The following ZNF169 variants were observed in gnomAD, a reference collection of about 807,000 sequenced individuals.
ZNF169 encodes zinc finger protein 169.
ZNF169 carries 11 observed loss-of-function variants against 12.0 expected under a neutral mutation model. The observed-to-expected ratio is 0.92, with a 90% CI of 0.58 to 1.52. The LOEUF (loss-of-function observed/expected upper bound fraction) is 1.52, where lower values mean the gene tolerates loss of function less well. ZNF169 is among the 40% of genes most tolerant of loss of function. The pLI is 0.00. For missense variants in ZNF169, 722 were observed against 744.0 expected (o/e 0.97, Z 0.34); for synonymous variants, 302 against 286.5 (o/e 1.05, Z -0.55).
At position 94,268,098 on chromosome 9, in the gene ZNF169, G is replaced by A. The variant is rs191817902; in HGVS notation, c.-56+8753G>A. Among the ~76,000 whole-genome samples, 156 of 151,908 alleles carry A rather than the reference G, an allele frequency of 1.0e-3. 3 individuals carry two copies. In the East Asian group the frequency reaches 0.024, roughly 23 times the overall value. ...TTGGTCAGGCTGGTCTTGAACGCCC[G>A]ACCTCAGGTGATCCGCCCACCTCGG... On this transcript the variant is annotated intron_variant, in intron 1 of 4. Coordinates refer to ENST00000395395, the MANE Select transcript of ZNF169 (RefSeq NM_194320.4).
intron 3 of ZNF169, 79 bp downstream of exon 3, chr9:94,292,546 G>T: frequency 1.3e-6 from 2 of 1,547,482 alleles, no homozygotes; most frequent in South Asian, 2.5e-5. Flanking sequence ...CCATGCTTCT[G>T]ACTCAGAAAA....
intron 2 of ZNF169, among the ~76,000 whole-genome samples, chr9:94,289,795 A>T (rs59962706): frequency 0.39 from 58,789 of 152,128 alleles, 11,810 homozygotes; most frequent in Middle Eastern, 0.46. Context: ...GTCTCAAAAA[A>T]AAAAGCTATA....
chr9:94,269,710 A>G (rs566777137), intron 1 of ZNF169, among the ~76,000 whole-genome samples: 1 of 152,318 alleles, frequency 6.6e-6, no homozygotes, highest in South Asian at 2.1e-4. Context: ...AAGGCCTGGA[A>G]ATTATCACCA....
chr9:94,270,523 T>G (rs1344372802), intron 1 of ZNF169, among the ~76,000 whole-genome samples: 1 of 146,456 alleles, frequency 6.8e-6, no homozygotes, highest in Non-Finnish European at 1.5e-5. Context: ...TTGAGGAAGT[T>G]TCCTTCTATT....
chr9:94,267,501 G>T (rs1320168298), intron 1 of ZNF169, among the ~76,000 whole-genome samples: 1 of 152,194 alleles, frequency 6.6e-6, no homozygotes, highest in African/African-American at 2.4e-5. Context: ...AATACTCACA[G>T]ATAGTTTCCA....
chr9:94,270,961 AATATATTATATATTATATAAATAT>A (rs1830409030), intron 1 of ZNF169, among the ~76,000 whole-genome samples: 1 of 11,338 alleles, frequency 8.8e-5, no homozygotes, highest in South Asian at 2.6e-3. Context: ...ATATATAAAT[AATATATTATATATTATATAAATAT>A]ACAAATAATA....
At chr9:94,299,342 T>G (rs1250163116) in intron 4 of ZNF169, 1 of 416,228 alleles carries the variant, frequency 2.4e-6, no homozygotes. Context: ...TGCCCCTTAC[T>G]TGAGTCACCA....
intron 1 of ZNF169, among the ~76,000 whole-genome samples, chr9:94,266,862 G>A (rs1297133672): frequency 6.6e-6 from 1 of 151,264 alleles, no homozygotes; most frequent in African/African-American, 2.4e-5. Flanking sequence ...ATTGTACTTG[G>A]CCTAATTATT....
chr9:94,300,557 CCTT>C lies in ZNF169; in HGVS notation c.1002_1004del (p.Leu335del), dbSNP rs773268056. The C allele has an allele frequency of 1.1e-5, 17 of 1,613,766 alleles. No individual in the cohort carries two copies. The highest frequency in any genetic ancestry group is 5.0e-5 in the Admixed American group (3 of 60,000). ...GAGGCTTTCGCCAGAAGATAGCCCT[CCTT>C]CTACACCAGAGGACGCACTTGGAGG... On this transcript the variant is annotated inframe_deletion, in exon 5 of 5. Coordinates refer to ENST00000395395, the MANE Select transcript of ZNF169 (RefSeq NM_194320.4).
intron 3 of ZNF169, 173 bp downstream of exon 3, chr9:94,292,640 T>TGTGTGTGTGTGTGTGTGTGTGTGC: frequency 4.1e-6 from 3 of 740,054 alleles, no homozygotes; most frequent in East Asian, 5.6e-5. Flanking sequence ...TGTGTGTGTG[T>TGTGTGTGTGTGTGTGTGTGTGTGC]GCGCGTGCAC....
intron 2 of ZNF169, chr9:94,287,807 A>G: frequency 1.7e-6 from 2 of 1,193,022 alleles, no homozygotes; most frequent in South Asian, 2.4e-5. Flanking sequence ...TTAGGGTTTG[A>G]TTGTATCCTA....
chr9:94,266,713 G>A (rs1830299418), intron 1 of ZNF169, among the ~76,000 whole-genome samples: 1 of 152,140 alleles, frequency 6.6e-6, no homozygotes, highest in Admixed American at 6.5e-5. Flanking sequence ...CCAAATTGTA[G>A]AAAATAATAA....
rs1227418835 is a variant in ZNF169 at position 94,301,656 on chromosome 9, CTGTT to C, written c.*289_*292del. On this transcript the variant is annotated 3_prime_UTR_variant, in exon 5 of 5. Coordinates refer to ENST00000395395, the MANE Select transcript of ZNF169 (RefSeq NM_194320.4). ...AGGTTTGGCTGCTGCTTAAGCCTCT[CTGTT>C]TGGCTTGCGGATGGCTGCTTTCTGG... Among the ~76,000 whole-genome samples, 3 of 152,202 alleles carry C rather than the reference CTGTT, an allele frequency of 2.0e-5. No individual in the cohort carries two copies. In the East Asian group the frequency reaches 5.8e-4, roughly 29 times the overall value.
In ZNF169 at chr9:94,271,042, A is replaced by T. The variant is rs547894947; in HGVS notation, c.-55-7716A>T. On this transcript the variant is annotated intron_variant, in intron 1 of 4. Transcript: ENST00000395395. ...ACATAAATAATATATGTATTTATAT[A>T]TATATAAATATATATATATTTGCAA... is the stretch of plus-strand genomic sequence containing the variant. Among the ~76,000 whole-genome samples the T allele has an allele frequency of 3.4e-5, 3 of 87,940 alleles. No individual in the cohort carries two copies. In the South Asian group the frequency reaches 8.6e-4, roughly 25 times the overall value. The allele number at this position is 87,940 out of a possible 152,430, so 57.7% of individuals were successfully genotyped here.
intron 4 of ZNF169, chr9:94,294,023 T>C: frequency 6.6e-6 from 1 of 152,254 alleles, no homozygotes; most frequent in Admixed American, 6.5e-5. Flanking sequence ...GGGTGTTGTT[T>C]TGCATGTCTG....
intron 1 of ZNF169, among the ~76,000 whole-genome samples, chr9:94,265,021 G>GTTTTTTTTTTTTT (rs55756013): frequency 1.1e-5 from 1 of 90,680 alleles, no homozygotes; most frequent in Non-Finnish European, 2.0e-5. Flanking sequence ...TCTGTACCCT[G>GTTTTTTTTTTTTT]TTTTTTTTTT....
At chr9:94,268,192 G>C (rs1830327695) in intron 1 of ZNF169, among the ~76,000 whole-genome samples, 1 of 151,988 alleles carries the variant, frequency 6.6e-6, no homozygotes, top group Non-Finnish European at 1.5e-5. Flanking sequence ...TTCTAAAGAG[G>C]ACTGAAACAA....
intron 1 of ZNF169, among the ~76,000 whole-genome samples, chr9:94,262,889 C>T (rs1282869406): frequency 1.3e-5 from 2 of 152,116 alleles, no homozygotes; most frequent in African/African-American, 4.8e-5. Context: ...ATTTAATTTC[C>T]AAGTATTTGG....
chr9:94,300,351 C>T lies in ZNF169; in HGVS notation c.793C>T (p.Pro265Ser). 1 of 1,613,998 alleles carries T rather than the reference C, an allele frequency of 6.2e-7. No individual in the cohort carries two copies. The highest frequency in any genetic ancestry group is 1.3e-5 in the African/African-American group (1 of 74,974). Residue 265 changes from proline (P) to serine (S), a missense_variant, in exon 5 of 5, where the codon CCT becomes TCT. Pro to Ser is a moderately conservative substitution (Grantham distance 74, BLOSUM62 -1). Coordinates refer to ENST00000395395, the MANE Select transcript of ZNF169 (RefSeq NM_194320.4). ...CACCGGGGAGAAGCCATACCTGTGTCCTGAGTGTGGGCGTCGGTTTAGCCA... is the reference window on the plus strand; with the variant it reads ...CACCGGGGAGAAGCCATACCTGTGTTCTGAGTGTGGGCGTCGGTTTAGCCA... Reference protein sequence around the residue: ...THTGEKPYLCPECGRRFSQKA... With the variant: ...THTGEKPYLCSECGRRFSQKA...
Sources: gnomAD v4.1 joint callset for allele counts (sites outside exome capture counted in the v4.1 genomes callset) on GRCh38, gnomAD v4.1.1 for gene constraint, MANE v1.5 for transcripts, NCBI Gene and HGNC (gene_info 2026-07-23, HGNC 2026-07-21) for gene names.